Variants in RAI14 observed in about 807,000 individuals in gnomAD.
RAI14 encodes retinoic acid induced 14.
A neutral mutation model predicts 115.4 loss-of-function variants in RAI14; 45 were observed. The observed-to-expected ratio is 0.39, with a 90% CI of 0.31 to 0.50. RAI14 has a LOEUF of 0.50. Among genes scored for constraint, RAI14 ranks in the 20% least tolerant of loss-of-function variants. The pLI, the probability that RAI14 is intolerant of heterozygous loss-of-function variation, is 0.85. For missense variants in RAI14, 939 were observed against 1,131.2 expected, an observed-to-expected ratio of 0.83 and a Z score of 2.44; for synonymous variants, 371 against 415.4, an observed-to-expected ratio of 0.89 and a Z score of 1.30.
chr5:34,803,546 G>A (rs1483687555), intron 4 of RAI14, among the ~76,000 whole-genome samples, 166 bp from the exon 5 acceptor site: 1 of 146,970 alleles, frequency 6.8e-6, no homozygotes, highest in Non-Finnish European at 1.5e-5. Context: ...GACAGAGTGA[G>A]ACCCTGTCTC....
chr5:34,815,198 T>C (rs1455508311), intron 12 of RAI14, among the ~76,000 whole-genome samples: 1 of 151,934 alleles, frequency 6.6e-6, no homozygotes, highest in Middle Eastern at 3.2e-3. Flanking sequence ...CTGGCCAACA[T>C]GGTGAAACTC....
chr5:34,711,504 A>C (rs1186423013), intron 2 of RAI14, among the ~76,000 whole-genome samples: 1 of 152,206 alleles, frequency 6.6e-6, no homozygotes, highest in Non-Finnish European at 1.5e-5. Flanking sequence ...TCTTTTGTGG[A>C]TCTTCAGTTA....
intron 1 of RAI14, among the ~76,000 whole-genome samples, chr5:34,685,980 A>G (rs933301710): frequency 6.6e-6 from 1 of 152,160 alleles, no homozygotes; most frequent in Non-Finnish European, 1.5e-5. Context: ...GGAATGAGCT[A>G]TTTGATGAGG....
intron 3 of RAI14, among the ~76,000 whole-genome samples, chr5:34,790,295 G>A (rs564330836): frequency 2.4e-4 from 37 of 152,322 alleles, no homozygotes; most frequent in African/African-American, 8.7e-4. Context: ...AAGATACCCA[G>A]ATTGAATACA....
At chr5:34,699,561 G>A (rs1040579361) in intron 2 of RAI14, among the ~76,000 whole-genome samples, 6 of 152,122 alleles carry the variant, frequency 3.9e-5, no homozygotes, top group African/African-American at 1.4e-4. Context: ...GGGAGTAGGG[G>A]CCCACCTTAT....
chr5:34,751,632 G>A (rs1747035146), intron 2 of RAI14, among the ~76,000 whole-genome samples: 1 of 152,134 alleles, frequency 6.6e-6, no homozygotes, highest in Non-Finnish European at 1.5e-5. Context: ...TCATTGCTGT[G>A]TGTTATTCTG....
At chr5:34,747,093 A>T (rs1340844145) in intron 2 of RAI14, among the ~76,000 whole-genome samples, 2 of 152,136 alleles carry the variant, frequency 1.3e-5, no homozygotes, top group Non-Finnish European at 2.9e-5. Context: ...AGTCTCAGTT[A>T]TGTCTTTATC....
intron 2 of RAI14, among the ~76,000 whole-genome samples, chr5:34,712,170 A>C (rs1258543360): frequency 6.6e-6 from 1 of 152,124 alleles, no homozygotes; most frequent in Non-Finnish European, 1.5e-5. Flanking sequence ...ATACAGTAGA[A>C]CCTAATCTTT....
At chr5:34,752,731 GTGTGTGTGTGTGTGTGTGTATA>G (rs1429471929) in intron 2 of RAI14, among the ~76,000 whole-genome samples, 1 of 99,040 alleles carries the variant, frequency 1.0e-5, no homozygotes, top group Non-Finnish European at 2.1e-5. Context: ...GTGTGTGTGT[GTGTGTGTGTGTGTGTGTGTATA>G]TATATATATA....
At chr5:34,765,565 G>A (rs1749240985) in intron 3 of RAI14, among the ~76,000 whole-genome samples, 1 of 152,202 alleles carries the variant, frequency 6.6e-6, no homozygotes, top group South Asian at 2.1e-4. Flanking sequence ...GTATCTGGCA[G>A]AATAAATTTC....
intron 1 of RAI14, among the ~76,000 whole-genome samples, chr5:34,672,227 A>G (rs1215528940): frequency 1.3e-5 from 2 of 152,172 alleles, no homozygotes; most frequent in African/African-American, 4.8e-5. Flanking sequence ...TATCACCTGT[A>G]TACTTGGCTT....
chr5:34,703,535 C>A, intron 2 of RAI14, among the ~76,000 whole-genome samples: 1 of 152,120 alleles, frequency 6.6e-6, no homozygotes, highest in East Asian at 1.9e-4. Context: ...TCTTAAAAAA[C>A]AACTTGGAAG....
intron 2 of RAI14, among the ~76,000 whole-genome samples, chr5:34,708,335 T>G (rs1458250104): frequency 6.6e-6 from 1 of 152,102 alleles, no homozygotes; most frequent in Non-Finnish European, 1.5e-5. Flanking sequence ...CCCGAGTAGC[T>G]GGGATTACAG....
intron 15 of RAI14, 112 bp downstream of exon 15, chr5:34,824,603 G>A: frequency 1.2e-6 from 1 of 867,134 alleles, no homozygotes; most frequent in Non-Finnish European, 1.7e-6. Context: ...AATGCTCAGA[G>A]GCTCTGCACA....
chr5:34,660,778 C>CT (rs559034141), intron 1 of RAI14, among the ~76,000 whole-genome samples: 1,620 of 145,266 alleles, frequency 0.011, 28 homozygotes, highest in African/African-American at 0.036. Flanking sequence ...TGGGCACATT[C>CT]TTTTTTTTTT....
chr5:34,787,675 G>A (rs1378633705), intron 3 of RAI14, among the ~76,000 whole-genome samples: 1 of 152,034 alleles, frequency 6.6e-6, no homozygotes, highest in Non-Finnish European at 1.5e-5. Flanking sequence ...AGGTAATGAT[G>A]TTGTTGCCAG....
At chr5:34,807,761 G>T (rs919931562) in intron 5 of RAI14, 39 bp from the exon 6 acceptor site, 2 of 1,455,176 alleles carry the variant, frequency 1.4e-6, no homozygotes, top group South Asian at 2.3e-5. Flanking sequence ...TTGGGGCAGG[G>T]TATTTTATTA....
At chr5:34,799,982 C>T (rs1324224845) in intron 4 of RAI14, among the ~76,000 whole-genome samples, 10 of 152,064 alleles carry the variant, frequency 6.6e-5, no homozygotes, top group Non-Finnish European at 1.0e-4. Context: ...CCACCACGCC[C>T]GGCCAGCATT....
At chr5:34,774,191 T>TA (rs556425919) in intron 3 of RAI14, among the ~76,000 whole-genome samples, 11,434 of 141,162 alleles carry the variant, frequency 0.081, 693 homozygotes, top group African/African-American at 0.18. Flanking sequence ...TGTGTCTACT[T>TA]AAAAAAAAAA....
Sources: allele counts gnomAD v4.1 joint callset (sites outside exome capture counted in the v4.1 genomes callset), GRCh38; gene constraint gnomAD v4.1.1; transcripts MANE v1.5; gene names NCBI Gene and HGNC (gene_info 2026-07-23, HGNC 2026-07-21).